The following EPHA6 variants were observed in gnomAD, a reference collection of about 807,000 sequenced individuals.
EPHA6 encodes the protein EPH receptor A6.
A neutral mutation model predicts 112.0 loss-of-function variants in EPHA6; 50 were observed. The observed-to-expected ratio is 0.45, with a 90% CI of 0.36 to 0.56. The LOEUF is 0.56. Ranked by LOEUF, EPHA6 falls within the 20% of genes least tolerant of loss-of-function variation. The probability of loss-of-function intolerance (pLI) is 0.00; values close to 1 mark genes in which losing one functional copy is unlikely to be tolerated. For synonymous variants in EPHA6, 529 were observed against 490.7 expected, an observed-to-expected ratio of 1.08 and a Z score of -1.03; for missense variants, 1,280 against 1,417.4, an observed-to-expected ratio of 0.90 and a Z score of 1.56.
intron 2 of EPHA6, among the ~76,000 whole-genome samples, chr3:96,928,917 T>C (rs1015980059): frequency 6.6e-5 from 10 of 152,232 alleles, no homozygotes; most frequent in African/African-American, 2.4e-4. Flanking sequence ...TAAAGTCTTT[T>C]GTCAAAAACT....
At chr3:97,440,700 C>A (rs2090090999) in intron 6 of EPHA6, among the ~76,000 whole-genome samples, 1 of 150,638 alleles carries the variant, frequency 6.6e-6, no homozygotes, top group Non-Finnish European at 1.5e-5. Flanking sequence ...GAAATGTGAC[C>A]AATGCAGAAA....
intron 3 of EPHA6, among the ~76,000 whole-genome samples, chr3:97,025,865 G>A (rs1240045671): frequency 6.6e-6 from 1 of 152,076 alleles, no homozygotes; most frequent in East Asian, 1.9e-4. Flanking sequence ...TGGGATTTCA[G>A]GTCTGAGCCA....
chr3:97,440,200 G>A (rs902303312), intron 6 of EPHA6, among the ~76,000 whole-genome samples: 1 of 152,072 alleles, frequency 6.6e-6, no homozygotes, highest in Non-Finnish European at 1.5e-5. Flanking sequence ...ATTTATTTAA[G>A]ATGTCTAATT....
intron 11 of EPHA6, among the ~76,000 whole-genome samples, chr3:97,538,981 C>CTCTCTCTTTCTT (rs1553805895): frequency 4.6e-5 from 6 of 130,156 alleles, no homozygotes; most frequent in African/African-American, 1.5e-4. Context: ...CACTTTCTCT[C>CTCTCTCTTTCTT]TCTTTCTTTC....
chr3:97,381,576 C>A (rs905698101), intron 5 of EPHA6, among the ~76,000 whole-genome samples: 17 of 152,086 alleles, frequency 1.1e-4, no homozygotes, highest in African/African-American at 3.6e-4. Flanking sequence ...GTTAAAGAGA[C>A]AAATACCCTG....
chr3:97,364,652 G>T (rs1392521674), intron 5 of EPHA6, among the ~76,000 whole-genome samples: 2 of 151,922 alleles, frequency 1.3e-5, no homozygotes, highest in African/African-American at 4.8e-5. Flanking sequence ...AATTACCATA[G>T]TAACTGTAAT....
chr3:97,625,081 G>A (rs1340550140), intron 13 of EPHA6, among the ~76,000 whole-genome samples: 1 of 150,546 alleles, frequency 6.6e-6, no homozygotes, highest in African/African-American at 2.4e-5. Flanking sequence ...CCTTATTTTT[G>A]TTACCCTTGG....
At chr3:97,255,776 A>G (rs748728621) in intron 5 of EPHA6, among the ~76,000 whole-genome samples, 8 of 152,172 alleles carry the variant, frequency 5.3e-5, no homozygotes, top group Non-Finnish European at 1.2e-4. Context: ...AAATCTCATT[A>G]GACACTCTTG....
intron 13 of EPHA6, chr3:97,612,375 C>T: frequency 2.5e-6 from 1 of 402,132 alleles, no homozygotes; most frequent in South Asian, 1.9e-5. Flanking sequence ...ATTTTTGTAT[C>T]AGCTGTATCC....
At chr3:97,560,743 A>G (rs569518046) in intron 11 of EPHA6, 1 of 152,168 alleles carries the variant, frequency 6.6e-6, no homozygotes, top group South Asian at 2.1e-4. Flanking sequence ...GAGAAAGACA[A>G]TAAACAAATA....
intron 10 of EPHA6, among the ~76,000 whole-genome samples, chr3:97,507,094 A>C (rs998381655): frequency 2.0e-5 from 3 of 152,156 alleles, no homozygotes; most frequent in Non-Finnish European, 4.4e-5. Flanking sequence ...CTAAATATAC[A>C]ATCATGTCAT....
At chr3:97,019,424 C>T (rs2107973669) in intron 3 of EPHA6, among the ~76,000 whole-genome samples, 1 of 151,952 alleles carries the variant, frequency 6.6e-6, no homozygotes, top group African/African-American at 2.4e-5. Flanking sequence ...TTTTCTTTTG[C>T]CATCACTCTC....
chr3:97,408,642 T>A (rs544864407), intron 6 of EPHA6, among the ~76,000 whole-genome samples: 1 of 152,152 alleles, frequency 6.6e-6, no homozygotes, highest in South Asian at 2.1e-4. Flanking sequence ...TGAGGTCCTT[T>A]TCAGGTTCAT....
At chr3:97,320,369 T>C (rs2082051954) in intron 5 of EPHA6, among the ~76,000 whole-genome samples, 1 of 151,974 alleles carries the variant, frequency 6.6e-6, no homozygotes, top group Non-Finnish European at 1.5e-5. Context: ...AAAACCTTAT[T>C]TTTATAAAAT....
chr3:97,057,885 A>C (rs1260998645), intron 3 of EPHA6, among the ~76,000 whole-genome samples: 1 of 152,088 alleles, frequency 6.6e-6, no homozygotes, highest in African/African-American at 2.4e-5. Context: ...CAGGCACTAA[A>C]GTTTCCATCT....
rs536032572 is a variant in EPHA6, at chr3:97,235,770, C to G, written c.1271-8182C>G. Among the ~76,000 whole-genome samples the G allele has an allele frequency of 7.9e-4, 120 of 152,236 alleles. No homozygotes were observed. In the South Asian group the frequency reaches 8.5e-3, roughly 11 times the overall value. On this transcript the variant is annotated intron_variant, in intron 4 of 17. Transcript: ENST00000389672. ...CATCCAAGGTTCAGGCTTGGTCTGT[C>G]TCTCCCTAACCAACTTTAACTTTAC... is the stretch of plus-strand genomic sequence containing the variant.
intron 5 of EPHA6, among the ~76,000 whole-genome samples, chr3:97,299,635 A>T (rs16838563): frequency 0.055 from 8,401 of 152,250 alleles, 538 homozygotes; most frequent in Admixed American, 0.2. Context: ...TATAAAGAGA[A>T]GATGACGTCC....
chr3:97,646,436 C>G, intron 14 of EPHA6: 2 of 719,748 alleles, frequency 2.8e-6, no homozygotes. Flanking sequence ...AGTAGAAATT[C>G]TAATATTTTC....
At chr3:96,951,199 GTC>G (rs1448234321) in intron 2 of EPHA6, among the ~76,000 whole-genome samples, 4 of 152,026 alleles carry the variant, frequency 2.6e-5, no homozygotes, top group Non-Finnish European at 4.4e-5. Flanking sequence ...CTAGCCCATA[GTC>G]TATACTTTTT....
Sources: gnomAD v4.1 joint callset for allele counts (sites outside exome capture counted in the v4.1 genomes callset) on GRCh38, gnomAD v4.1.1 for gene constraint, MANE v1.5 for transcripts, NCBI Gene and HGNC (gene_info 2026-07-23, HGNC 2026-07-21) for gene names.